Variants in METTL15 observed in about 807,000 individuals in gnomAD.
METTL15 encodes 12S rRNA N(4)-cytidine methyltransferase METTL15.
METTL15 carries 34 observed loss-of-function variants against 38.3 expected under a neutral mutation model. That is an observed-to-expected ratio of 0.89 (90% CI 0.68 to 1.18). METTL15 has a LOEUF of 1.18. Among genes scored for constraint, METTL15 ranks in the 50% most tolerant of loss-of-function variants. The probability of loss-of-function intolerance (pLI) is 0.00; values close to 1 mark genes in which losing one functional copy is unlikely to be tolerated. For synonymous variants in METTL15, 162 were observed against 170.9 expected, an observed-to-expected ratio of 0.95 and a Z score of 0.41; for missense variants, 438 against 498.4, an observed-to-expected ratio of 0.88 and a Z score of 1.15.
intron 4 of METTL15, among the ~76,000 whole-genome samples, chr11:28,234,535 T>G (rs1290314152): frequency 1.3e-5 from 2 of 151,856 alleles, no homozygotes; most frequent in East Asian, 3.9e-4. Flanking sequence ...TGGTTTTGAT[T>G]TGCATTTTTC....
chr11:28,376,724 C>T (rs919566218), intron 5 of METTL15, among the ~76,000 whole-genome samples: 2 of 150,142 alleles, frequency 1.3e-5, no homozygotes, highest in African/African-American at 4.9e-5. Context: ...GGTTATTTTG[C>T]TCGTTAGTTG....
chr11:28,378,303 G>T (rs149173309), intron 5 of METTL15, among the ~76,000 whole-genome samples: 1,684 of 152,318 alleles, frequency 0.011, 39 homozygotes, highest in African/African-American at 0.039. Context: ...CTAGCAATCA[G>T]CGATACTCCG....
At chr11:28,122,096 C>T in intron 3 of METTL15, 1 of 1,154,916 alleles carries the variant, frequency 8.7e-7, no homozygotes, top group Non-Finnish European at 1.1e-6. Context: ...TGTATTAACT[C>T]CATCTTACTC....
intron 6 of METTL15, among the ~76,000 whole-genome samples, chr11:28,313,602 A>G (rs932765584): frequency 7.2e-5 from 11 of 152,068 alleles, no homozygotes; most frequent in African/African-American, 2.7e-4. Flanking sequence ...TAAATATGCT[A>G]TCGCATGTTA....
chr11:28,288,994 A>G (rs1004721299), intron 4 of METTL15, among the ~76,000 whole-genome samples: 2 of 152,110 alleles, frequency 1.3e-5, no homozygotes, highest in Non-Finnish European at 2.9e-5. Context: ...CACAGCAGTG[A>G]TGTTGTATTG....
At chr11:28,395,294 T>C (rs936448297) in intron 5 of METTL15, among the ~76,000 whole-genome samples, 4 of 152,038 alleles carry the variant, frequency 2.6e-5, no homozygotes, top group African/African-American at 9.7e-5. Context: ...AGCACCTCCT[T>C]GGAGTCAGGC....
chr11:28,289,527 C>A (rs1242509864), intron 4 of METTL15, among the ~76,000 whole-genome samples: 1 of 152,104 alleles, frequency 6.6e-6, no homozygotes, highest in East Asian at 1.9e-4. Context: ...TTCTGAAGAA[C>A]CATAAAGGCA....
intron 6 of METTL15, among the ~76,000 whole-genome samples, chr11:28,455,844 C>T (rs1429578176): frequency 6.6e-6 from 1 of 152,022 alleles, no homozygotes; most frequent in Admixed American, 6.5e-5. Flanking sequence ...GTAGCTGGGA[C>T]TACAGGTGCC....
intron 5 of METTL15, among the ~76,000 whole-genome samples, chr11:28,381,676 G>A (rs11500206): frequency 0.018 from 2,691 of 152,064 alleles, 55 homozygotes; most frequent in African/African-American, 0.051. Context: ...TTCAGCAAAT[G>A]TATTTATTGG....
chr11:28,239,390 A>T (rs764320790), intron 4 of METTL15, among the ~76,000 whole-genome samples: 3 of 152,214 alleles, frequency 2.0e-5, no homozygotes, highest in Non-Finnish European at 4.4e-5. Flanking sequence ...TCTGTTGGAA[A>T]TCCCATTAAC....
chr11:28,403,777 A>G (rs1267772212), intron 5 of METTL15, among the ~76,000 whole-genome samples: 2 of 152,138 alleles, frequency 1.3e-5, no homozygotes, highest in Non-Finnish European at 2.9e-5. Flanking sequence ...TTTTTTGCCA[A>G]TAATGGCAAA....
intron 4 of METTL15, among the ~76,000 whole-genome samples, chr11:28,274,227 A>G (rs1855756343): frequency 6.6e-6 from 1 of 152,022 alleles, no homozygotes; most frequent in Non-Finnish European, 1.5e-5. Flanking sequence ...ATGAAAATCC[A>G]CTAAAACTCA....
chr11:28,398,059 A>C (rs990949629), intron 5 of METTL15, among the ~76,000 whole-genome samples: 1 of 151,836 alleles, frequency 6.6e-6, no homozygotes, highest in African/African-American at 2.4e-5. Flanking sequence ...TGGACCAGGA[A>C]GGGGAATATC....
chr11:28,128,497 T>G (rs886723122), intron 3 of METTL15, among the ~76,000 whole-genome samples: 2 of 152,160 alleles, frequency 1.3e-5, no homozygotes, highest in Admixed American at 1.3e-4. Flanking sequence ...ATTTTCAAGC[T>G]TCTTAAAAAT....
At chr11:28,112,197 C>T (rs1368386667) in intron 2 of METTL15, among the ~76,000 whole-genome samples, 1 of 152,062 alleles carries the variant, frequency 6.6e-6, no homozygotes, top group African/African-American at 2.4e-5. Context: ...ATTTTGAGAA[C>T]ATATGGTTTT....
rs754970463 is a variant in METTL15, at chr11:28,211,182, C to G, written c.391C>G (p.Leu131Val). The change falls in exon 4 of 7, where the codon CTT (leucine) becomes GTT (valine). Residue 131 changes from leucine (L) to valine (V), a missense_variant. Coordinates refer to ENST00000407364, the MANE Select transcript of METTL15 (RefSeq NM_001113528.2). ...DPTAYALAEH[L>V]SELYPKQIRA... ...AACAGCTTATGCATTAGCTGAACATCTTTCAGAGTTGTATCCGTAAGTAAT... is the reference window on the plus strand; with the variant it reads ...AACAGCTTATGCATTAGCTGAACATGTTTCAGAGTTGTATCCGTAAGTAAT... 3.1e-6 allele frequency: 5 copies of G among 1,609,038 alleles called. No individual in the cohort carries two copies. The highest frequency in any genetic ancestry group is 4.2e-6 in the Non-Finnish European group (5 of 1,177,930).
At chr11:28,388,927 C>G (rs924555324) in intron 5 of METTL15, among the ~76,000 whole-genome samples, 4 of 151,890 alleles carry the variant, frequency 2.6e-5, no homozygotes, top group African/African-American at 9.7e-5. Flanking sequence ...TGAGAACATG[C>G]AGTGTTCGGT....
chr11:28,315,164 A>G (rs200234982), intron 6 of METTL15, among the ~76,000 whole-genome samples: 1 of 152,230 alleles, frequency 6.6e-6, no homozygotes, highest in Non-Finnish European at 1.5e-5. Flanking sequence ...AGAGCTCAGA[A>G]GAAGACAGGA....
intron 5 of METTL15, among the ~76,000 whole-genome samples, chr11:28,291,205 C>T (rs561648771): frequency 4.6e-5 from 7 of 151,890 alleles, no homozygotes; most frequent in African/African-American, 1.7e-4. Flanking sequence ...TACCAGCATG[C>T]CCGGCTAATT....
Sources: gnomAD v4.1 joint callset for allele counts (sites outside exome capture counted in the v4.1 genomes callset) on GRCh38, gnomAD v4.1.1 for gene constraint, MANE v1.5 for transcripts, NCBI Gene and HGNC (gene_info 2026-07-23, HGNC 2026-07-21) for gene names.